MME: variants seen among roughly 807,000 people sequenced by gnomAD.
MME encodes the protein neprilysin.
A neutral mutation model predicts 113.2 loss-of-function variants in MME; 98 were observed. The observed-to-expected ratio is 0.87, with a 90% CI of 0.74 to 1.02. The LOEUF (loss-of-function observed/expected upper bound fraction) is 1.02, where lower values mean the gene tolerates loss of function less well. Ranked by LOEUF, MME falls within the 50% of genes least tolerant of loss-of-function variation. The pLI is 0.00. For synonymous variants in MME, 292 were observed against 300.6 expected (o/e 0.97, Z 0.30); for missense variants, 836 against 896.0 (o/e 0.93, Z 0.86).
At chr3:155,082,708 G>A (rs1330243851) in intron 1 of MME, among the ~76,000 whole-genome samples, 1 of 152,132 alleles carries the variant, frequency 6.6e-6, no homozygotes, top group Admixed American at 6.5e-5. Context: ...GTAATCAAGG[G>A]GACAGCATGT....
intron 8 of MME, among the ~76,000 whole-genome samples, chr3:155,126,554 A>G (rs1451817525): frequency 6.6e-6 from 1 of 151,916 alleles, no homozygotes; most frequent in Non-Finnish European, 1.5e-5. Context: ...TTTTTTTTTA[A>G]ATTTTGAATT....
Position 155,116,590 on chromosome 3 carries a change from G to GTATATATA in MME, c.439+41_439+48dup, listed in dbSNP as rs10522735. ...TGCTCTTCATTTGATTTCATTAGGA[G>GTATATATA]TATATATATATATATATTGGTGCCA... On this transcript the variant is annotated intron_variant, in intron 5 of 22. Coordinates refer to ENST00000360490, the MANE Select transcript of MME (RefSeq NM_007289.4). 0.05 allele frequency: 59,573 copies of GTATATATA among 1,199,300 alleles called. 425 individuals are homozygous for GTATATATA. Among genetic ancestry groups the GTATATATA allele is most frequent in the South Asian group, 0.08 (5,150 of 64,226 alleles). 74.3% of individuals were successfully genotyped at this position (1,199,300 alleles called of 1,614,324 possible).
chr3:155,095,366 C>T (rs1177981830), intron 3 of MME, among the ~76,000 whole-genome samples: 2 of 152,034 alleles, frequency 1.3e-5, no homozygotes, highest in African/African-American at 4.8e-5. Flanking sequence ...GACTTTAAGT[C>T]AGAGAGGAGA....
At chr3:155,070,960 C>T (rs1332733050) in intron 1 of MME, among the ~76,000 whole-genome samples, 1 of 152,122 alleles carries the variant, frequency 6.6e-6, no homozygotes, top group Non-Finnish European at 1.5e-5. Flanking sequence ...ACCCTGCTCT[C>T]GCCCCCAGAG....
chr3:155,054,724 G>A (rs1242926588), intron 1 of MME, among the ~76,000 whole-genome samples: 1 of 152,158 alleles, frequency 6.6e-6, no homozygotes, highest in Non-Finnish European at 1.5e-5. Flanking sequence ...GGCTGAGGCT[G>A]GAGAATTGCT....
intron 8 of MME, among the ~76,000 whole-genome samples, chr3:155,119,313 C>A (rs556370258): frequency 3.4e-4 from 52 of 152,122 alleles, no homozygotes; most frequent in Non-Finnish European, 6.3e-4. Flanking sequence ...GCCAGGTAGC[C>A]AGTGGGCATC....
chr3:155,173,000 A>G (rs1712154003), intron 22 of MME, among the ~76,000 whole-genome samples: 3 of 152,048 alleles, frequency 2.0e-5, no homozygotes. Flanking sequence ...AATATAAAGG[A>G]AACTTTCTAC....
Position 155,142,048 on chromosome 3 carries a change from A to G in MME, c.1015A>G (p.Thr339Ala). 6.2e-7 allele frequency: 1 copy of G among 1,613,728 alleles called. No homozygotes were observed. Among genetic ancestry groups the G allele is most frequent in the Non-Finnish European group, 8.5e-7 (1 of 1,179,710 alleles). Residue 339 changes from threonine to alanine, a missense_variant, in exon 11 of 23, where the codon ACA becomes GCA. Transcript: ENST00000360490. The part of the protein sequence containing the change: ...EIMSTVNISI[T>A]NEEDVVVYAP... Reference sequence around the variant, plus strand: ...CATGTCAACTGTGAATATTAGTATTACAAATGAGGAAGATGTGGTTGTTTA... The same window carrying G: ...CATGTCAACTGTGAATATTAGTATTGCAAATGAGGAAGATGTGGTTGTTTA...
At chr3:155,108,826 T>A (rs553176728) in intron 3 of MME, among the ~76,000 whole-genome samples, 1 of 152,210 alleles carries the variant, frequency 6.6e-6, no homozygotes, top group African/African-American at 2.4e-5. Context: ...TTAAGATAGT[T>A]GTTGTGTATA....
intron 8 of MME, among the ~76,000 whole-genome samples, chr3:155,136,658 A>C (rs1456974758): frequency 6.6e-6 from 1 of 152,184 alleles, no homozygotes; most frequent in Non-Finnish European, 1.5e-5. Flanking sequence ...TTCTTGCTTG[A>C]TCGAATATTT....
At chr3:155,160,078 T>G (rs1006163664) in intron 16 of MME, among the ~76,000 whole-genome samples, 16 of 151,990 alleles carry the variant, frequency 1.1e-4, no homozygotes, top group Admixed American at 8.5e-4. Flanking sequence ...CTAAATAAAT[T>G]TCAATACAAT....
chr3:155,139,345 C>T (rs984395959), intron 9 of MME, among the ~76,000 whole-genome samples: 9 of 152,082 alleles, frequency 5.9e-5, no homozygotes, highest in Non-Finnish European at 8.8e-5. Flanking sequence ...AGGCCTTAGA[C>T]GTCTTTGAAT....
intron 18 of MME, among the ~76,000 whole-genome samples, chr3:155,167,897 C>T (rs958304743): frequency 6.6e-6 from 1 of 152,140 alleles, no homozygotes; most frequent in Non-Finnish European, 1.5e-5. Context: ...GGCTACATAG[C>T]CCTTTTCTTA....
chr3:155,102,404 T>C (rs563499831), intron 3 of MME, among the ~76,000 whole-genome samples: 11 of 152,256 alleles, frequency 7.2e-5, no homozygotes, highest in Admixed American at 4.6e-4. Flanking sequence ...ACCCTTTGAG[T>C]CATTTCTCAA....
At chr3:155,127,185 C>G (rs1161962345) in intron 8 of MME, among the ~76,000 whole-genome samples, 1 of 152,088 alleles carries the variant, frequency 6.6e-6, no homozygotes, top group Non-Finnish European at 1.5e-5. Flanking sequence ...TACAGTAGCT[C>G]AAACAAGAAA....
intron 4 of MME, among the ~76,000 whole-genome samples, chr3:155,115,419 T>TTTTG (rs140150260): frequency 1.3e-5 from 2 of 151,216 alleles, no homozygotes; most frequent in African/African-American, 4.9e-5. Flanking sequence ...AGGTTTGGTT[T>TTTTG]TTTGTTTGTT....
chr3:155,024,531 G>A (rs1388186469), intron 1 of MME, among the ~76,000 whole-genome samples: 1 of 152,110 alleles, frequency 6.6e-6, no homozygotes, highest in Non-Finnish European at 1.5e-5. Context: ...AATAGAGCTG[G>A]CAGTCTGAAG....
chr3:155,056,142 ATGT>A (rs1332241402), intron 1 of MME, among the ~76,000 whole-genome samples: 1 of 152,056 alleles, frequency 6.6e-6, no homozygotes, highest in African/African-American at 2.4e-5. Flanking sequence ...CCCTCAGATA[ATGT>A]TGTTTTATTT....
chr3:155,119,486 A>G (rs1235571216), intron 8 of MME, among the ~76,000 whole-genome samples: 1 of 139,538 alleles, frequency 7.2e-6, no homozygotes, highest in Non-Finnish European at 1.5e-5. Flanking sequence ...TTACATATGT[A>G]TACATGTGCC....
Sources: gnomAD v4.1 joint callset for allele counts (sites outside exome capture counted in the v4.1 genomes callset) on GRCh38, gnomAD v4.1.1 for gene constraint, MANE v1.5 for transcripts, NCBI Gene and HGNC (gene_info 2026-07-23, HGNC 2026-07-21) for gene names.